POLQ: variants seen among roughly 807,000 people sequenced by gnomAD.
POLQ encodes the protein epididymis secretory sperm binding protein.
POLQ carries 233 observed loss-of-function variants against 259.2 expected under a neutral mutation model. The observed-to-expected ratio is 0.90, with a 90% CI of 0.81 to 1.00. The LOEUF is 1.00. Among genes scored for constraint, POLQ ranks in the 50% least tolerant of loss-of-function variants. The probability of loss-of-function intolerance (pLI) is 0.00; values close to 1 mark genes in which losing one functional copy is unlikely to be tolerated. For missense variants in POLQ, 2,871 were observed against 3,051.6 expected (o/e 0.94, Z 1.39); for synonymous variants, 1,025 against 1,048.8 (o/e 0.98, Z 0.44).
At chr3:121,474,489 T>C (rs947039601) in intron 20 of POLQ, among the ~76,000 whole-genome samples, 6 of 152,234 alleles carry the variant, frequency 3.9e-5, no homozygotes, top group African/African-American at 1.4e-4. Flanking sequence ...CATTCACTTA[T>C]ATACTTTGAG....
At position 121,472,160 on chromosome 3, in the gene POLQ, A is replaced by T; in HGVS notation, c.6548T>A (p.Val2183Asp). The stretch of plus-strand genomic sequence containing the variant: ...ATGTAATGCCTTTAATTTATTTAAA[A>T]CGTCCTGCCAAAAAAATATAAGGTA... ...LGRQFSTSKDVLNKLKALHPL... is the reference protein window; with the variant it reads ...LGRQFSTSKDDLNKLKALHPL... Residue 2183 changes from valine (V) to aspartate (D), a missense_variant, in exon 22 of 30, where the codon GTT becomes GAT. Around this residue, in one of 3 missense-constraint regions of POLQ, gnomAD observed 2,080 missense variants for 2,126.0 expected, o/e 0.98. Coordinates refer to ENST00000264233, the MANE Select transcript of POLQ (RefSeq NM_199420.4). 1 of 1,421,526 alleles carries T rather than the reference A, an allele frequency of 7.0e-7. No homozygotes were observed. 88.1% of individuals were successfully genotyped at this position (1,421,526 alleles called of 1,614,324 possible).
At chr3:121,446,146 G>A (rs576264522) in intron 26 of POLQ, among the ~76,000 whole-genome samples, 4 of 151,458 alleles carry the variant, frequency 2.6e-5, no homozygotes, top group Non-Finnish European at 5.9e-5. Flanking sequence ...TATTTCCATT[G>A]TCATTTGTTT....
In POLQ at chr3:121,452,305, A is replaced by C. The variant is rs994481375; in HGVS notation, c.7153-2879T>G. ...CTGCACCCACTGTCCAACAAGCCCCAGTGAGATGAACCTGGTACCTCAGTT... is the reference window on the plus strand; with the variant it reads ...CTGCACCCACTGTCCAACAAGCCCCCGTGAGATGAACCTGGTACCTCAGTT... On this transcript the variant is annotated intron_variant, in intron 25 of 29. Coordinates refer to ENST00000264233, the MANE Select transcript of POLQ (RefSeq NM_199420.4). 1.1e-4 allele frequency among the ~76,000 whole-genome samples: 17 copies of C among 152,188 alleles called. 1 individual carries two copies. The highest frequency in any genetic ancestry group is 2.1e-4 in the South Asian group (1 of 4,816).
At chr3:121,456,771 G>A (rs2047742568) in intron 25 of POLQ, among the ~76,000 whole-genome samples, 1 of 152,154 alleles carries the variant, frequency 6.6e-6, no homozygotes, top group Non-Finnish European at 1.5e-5. Context: ...ATGCTCATAG[G>A]TAGGAAGAAT....
intron 10 of POLQ, among the ~76,000 whole-genome samples, chr3:121,511,226 CAAAAA>C (rs34066876): frequency 2.9e-4 from 22 of 74,942 alleles, no homozygotes; most frequent in African/African-American, 1.3e-3. Flanking sequence ...ACTCCGTCTC[CAAAAA>C]AAAAAAAAAA....
intron 16 of POLQ, among the ~76,000 whole-genome samples, chr3:121,485,946 C>A (rs74825427): frequency 0.01 from 1,542 of 152,294 alleles, 24 homozygotes; most frequent in African/African-American, 0.035. Flanking sequence ...TAAATCTAAT[C>A]AAACACCTGA....
chr3:121,434,568 T>C (rs1263394904), intron 28 of POLQ, among the ~76,000 whole-genome samples: 1 of 152,228 alleles, frequency 6.6e-6, no homozygotes, highest in Non-Finnish European at 1.5e-5. Context: ...TATACACACA[T>C]AGTCCCACAC....
chr3:121,533,962 C>T (rs1489677141), intron 5 of POLQ, among the ~76,000 whole-genome samples: 2 of 148,034 alleles, frequency 1.4e-5, no homozygotes, highest in South Asian at 2.2e-4. Context: ...CTGCAAGCTC[C>T]GTCTCCTGGG....
At chr3:121,459,790 G>A in intron 25 of POLQ, among the ~76,000 whole-genome samples, 1 of 152,100 alleles carries the variant, frequency 6.6e-6, no homozygotes, top group East Asian at 1.9e-4. Flanking sequence ...CAGGCACTGT[G>A]ACTAGCCATA....
chr3:121,471,562 C>G (rs1023445051), intron 22 of POLQ, among the ~76,000 whole-genome samples: 1 of 151,778 alleles, frequency 6.6e-6, no homozygotes, highest in Non-Finnish European at 1.5e-5. Flanking sequence ...ATCAATGTGA[C>G]GAAACCCCAT....
intron 13 of POLQ, 52 bp from the exon 14 acceptor site, chr3:121,496,984 C>G: frequency 6.3e-7 from 1 of 1,588,806 alleles, no homozygotes. Context: ...GTCTACTAGG[C>G]GATACAGTGT....
At chr3:121,435,179 C>G (rs2047532859) in intron 28 of POLQ, among the ~76,000 whole-genome samples, 1 of 151,974 alleles carries the variant, frequency 6.6e-6, no homozygotes, top group African/African-American at 2.4e-5. Context: ...CAAAAAAAGT[C>G]TGCTGTCATG....
chr3:121,532,895 C>A lies in POLQ; in HGVS notation c.960+95G>T, dbSNP rs532244775. 1.2e-4 allele frequency: 100 copies of A among 800,370 alleles called. 3 individuals are homozygous for A. In the South Asian group the frequency reaches 1.4e-3, roughly 12 times the overall value. 49.6% of individuals were successfully genotyped at this position (800,370 alleles called of 1,614,324 possible). On this transcript the variant is annotated intron_variant, in intron 6 of 29. Transcript: ENST00000264233. ...TATTAATCCTAATGTATATGTAACT[C>A]CCAATTACATCATTCAGAATTTGTT...
chr3:121,441,998 T>C (rs1216991442), intron 26 of POLQ, among the ~76,000 whole-genome samples: 1 of 152,226 alleles, frequency 6.6e-6, no homozygotes, highest in African/African-American at 2.4e-5. Flanking sequence ...GTAAAGTGTC[T>C]CTTCAAATTT....
chr3:121,524,344 C>A (rs2048358143), intron 7 of POLQ, among the ~76,000 whole-genome samples: 1 of 152,154 alleles, frequency 6.6e-6, no homozygotes, highest in African/African-American at 2.4e-5. Flanking sequence ...CACTTATCCT[C>A]ATGATGTGAC....
intron 8 of POLQ, 118 bp from the exon 9 acceptor site, chr3:121,520,201 T>A: frequency 1.5e-6 from 1 of 658,362 alleles, no homozygotes; most frequent in Non-Finnish European, 2.7e-6. Flanking sequence ...AAACTATTGT[T>A]ATGACTGTTG....
Position 121,436,237 on chromosome 3 carries a change from T to G in POLQ, c.7428A>C (p.Ser2476=). The G allele has an allele frequency of 6.2e-7, 1 of 1,613,916 alleles. No homozygotes were observed. Among genetic ancestry groups the G allele is most frequent in the Non-Finnish European group, 8.5e-7 (1 of 1,179,802 alleles). ...RQAINTIVQG[S]AADIVKIATV... ...TGGCTATTTTGACAATATCAGCTGC[T>G]GATCCTTGGACTATTGTGTTGATAG... is the stretch of plus-strand genomic sequence containing the variant. Residue 2476 remains serine, a synonymous_variant, in exon 28 of 30, where the codon TCA becomes TCC. Coordinates refer to ENST00000264233, the MANE Select transcript of POLQ (RefSeq NM_199420.4).
At chr3:121,526,285 G>C (rs2048373078) in intron 7 of POLQ, among the ~76,000 whole-genome samples, 1 of 152,130 alleles carries the variant, frequency 6.6e-6, no homozygotes. Flanking sequence ...CCAGAGAAGG[G>C]GTTCTCACTC....
intron 13 of POLQ, among the ~76,000 whole-genome samples, chr3:121,497,557 C>T (rs1266897703): frequency 6.6e-6 from 1 of 152,172 alleles, no homozygotes; most frequent in Non-Finnish European, 1.5e-5. Flanking sequence ...CCACCTCAGC[C>T]TCCCAAGTAG....
Sources: allele counts gnomAD v4.1 joint callset (sites outside exome capture counted in the v4.1 genomes callset), GRCh38; gene constraint gnomAD v4.1.1; regional missense constraint gnomAD v4.1.1; transcripts MANE v1.5; gene names NCBI Gene and HGNC (gene_info 2026-07-23, HGNC 2026-07-21).